The following APPBP2 variants were observed in gnomAD, a reference collection of about 807,000 sequenced individuals.
The protein encoded by APPBP2 is amyloid beta precursor protein binding protein 2, also known as amyloid protein-binding protein 2.
In APPBP2, 15 loss-of-function variants were observed where a neutral mutation model predicts 76.0. The ratio of observed to expected loss-of-function variants is 0.20; its 90% CI spans 0.13 to 0.30. The LOEUF (loss-of-function observed/expected upper bound fraction) is 0.30. APPBP2 is among the 10% of genes least tolerant of loss of function. The pLI is 1.00. For missense variants in APPBP2, 401 were observed against 687.2 expected, an observed-to-expected ratio of 0.58 and a Z score of 4.66; for synonymous variants, 222 against 242.2, an observed-to-expected ratio of 0.92 and a Z score of 0.77.
intron 1 of APPBP2, among the ~76,000 whole-genome samples, chr17:60,525,173 A>G (rs2091041960): frequency 6.6e-6 from 1 of 152,226 alleles, no homozygotes; most frequent in South Asian, 2.1e-4. Context: ...CAGCACTCCC[A>G]TTTTCACAAA....
rs10713718 is a variant in APPBP2, at chr17:60,457,128, C to CA, written c.1062-748dup. On this transcript the variant is annotated intron_variant, in intron 9 of 12. Coordinates refer to ENST00000083182, the MANE Select transcript of APPBP2 (RefSeq NM_006380.5). ...CCAGCATGAGTGACAAAGACTGTCT[C>CA]AAAAAAAAAAAAAAAAATTACCATC... Among the ~76,000 whole-genome samples, 373 of 123,956 alleles carry CA rather than the reference C, an allele frequency of 3.0e-3. 1 individual carries two copies. The highest frequency in any genetic ancestry group is 5.8e-3 in the East Asian group (24 of 4,170). 81.3% of individuals were successfully genotyped at this position (123,956 alleles called of 152,430 possible).
chr17:60,516,198 A>C (rs1334966410), intron 1 of APPBP2, among the ~76,000 whole-genome samples: 2 of 152,046 alleles, frequency 1.3e-5, no homozygotes, highest in African/African-American at 4.8e-5. Flanking sequence ...AACAAAAAAA[A>C]CCAGATGAGA....
chr17:60,507,564 A>C (rs8071606), intron 1 of APPBP2, among the ~76,000 whole-genome samples: 12,504 of 152,162 alleles, frequency 0.082, 1,702 homozygotes, highest in African/African-American at 0.28. Context: ...TTGGTACTTA[A>C]TTACTTTGGA....
intron 4 of APPBP2, among the ~76,000 whole-genome samples, chr17:60,470,486 A>C (rs1168788804): frequency 6.6e-6 from 1 of 152,198 alleles, no homozygotes; most frequent in Non-Finnish European, 1.5e-5. Context: ...GGCTGGTCTC[A>C]AACTCTTGAG....
chr17:60,518,878 C>T (rs1234912649), intron 1 of APPBP2, among the ~76,000 whole-genome samples: 1 of 152,060 alleles, frequency 6.6e-6, no homozygotes, highest in Non-Finnish European at 1.5e-5. Flanking sequence ...TTAGAAATGC[C>T]TTCTTCATGC....
chr17:60,463,821 G>GA (rs1255728386), intron 6 of APPBP2, among the ~76,000 whole-genome samples, 200 bp downstream of exon 6: 2 of 152,096 alleles, frequency 1.3e-5, no homozygotes, highest in Non-Finnish European at 2.9e-5. Flanking sequence ...TCTTGGTAAA[G>GA]AAAAATTGGC....
chr17:60,453,182 C>G (rs773627690), intron 11 of APPBP2, among the ~76,000 whole-genome samples: 22 of 151,958 alleles, frequency 1.4e-4, no homozygotes, highest in Non-Finnish European at 2.5e-4. Context: ...ATCTCAAGTA[C>G]TACTTTCATA....
At chr17:60,466,981 T>C (rs1172250091) in intron 4 of APPBP2, among the ~76,000 whole-genome samples, 2 of 152,190 alleles carry the variant, frequency 1.3e-5, no homozygotes, top group East Asian at 3.8e-4. Flanking sequence ...TTATCCTCTA[T>C]AGTAGAAATA....
chr17:60,491,836 G>A (rs2090731952), intron 3 of APPBP2, among the ~76,000 whole-genome samples: 1 of 152,202 alleles, frequency 6.6e-6, no homozygotes, highest in African/African-American at 2.4e-5. Flanking sequence ...CATTTTGTGA[G>A]AAGAACTGCA....
chr17:60,494,602 A>G lies in APPBP2; in HGVS notation c.243T>C (p.His81=). The change falls in exon 3 of 13, where the codon CAT becomes CAC. Residue 81 remains histidine, a synonymous_variant. Coordinates refer to ENST00000083182, the MANE Select transcript of APPBP2 (RefSeq NM_006380.5). ...CATGATCCATCAAAGCCTGAAAACA[A>G]TGATGAAGCAAATGTCTGTAAGAAA... ...RALDKRHLLH[H]CFQALMDHGV... The G allele has an allele frequency of 6.3e-7, 1 of 1,587,118 alleles. No homozygotes were observed. Among genetic ancestry groups the G allele is most frequent in the Non-Finnish European group, 8.5e-7 (1 of 1,174,032 alleles).
In APPBP2 at chr17:60,493,644, C is replaced by CT. The variant is rs551786086; in HGVS notation, c.379+821dup. 7.3e-3 allele frequency among the ~76,000 whole-genome samples: 937 copies of CT among 128,530 alleles called. 4 individuals are homozygous for CT. Among genetic ancestry groups the CT allele is most frequent in the African/African-American group, 0.011 (363 of 33,152 alleles). 84.3% of individuals were successfully genotyped at this position (128,530 alleles called of 152,430 possible). ...CCGCCATGCCCAGCCTTTTTTTTTTCTTTTTTTTTTTTTCTGAGACAGAGT... is the reference window on the plus strand; with the variant it reads ...CCGCCATGCCCAGCCTTTTTTTTTTCTTTTTTTTTTTTTTCTGAGACAGAGT... On this transcript the variant is annotated intron_variant, in intron 3 of 12. Transcript: ENST00000083182.
rs183826090 is a variant in APPBP2, at chr17:60,450,970, C to T, written c.1504+910G>A. On this transcript the variant is annotated intron_variant, in intron 12 of 12. Transcript: ENST00000083182. ...CAAGACAAATCAATATAAAAATGGG[C>T]AAGAGTTTTAACAGGCACTTCATAA... 3.9e-4 allele frequency among the ~76,000 whole-genome samples: 60 copies of T among 152,070 alleles called. No homozygotes were observed. The East Asian group carries it at 7.9e-3, about 20-fold the overall frequency.
At chr17:60,507,560 C>T (rs1193440381) in intron 1 of APPBP2, among the ~76,000 whole-genome samples, 1 of 152,004 alleles carries the variant, frequency 6.6e-6, no homozygotes, top group Non-Finnish European at 1.5e-5. Context: ...CAAATTGGTA[C>T]TTAATTACTT....
chr17:60,494,984 G>GTTTTTTTTT (rs60043373), intron 2 of APPBP2, among the ~76,000 whole-genome samples: 1 of 107,080 alleles, frequency 9.3e-6, no homozygotes, highest in Non-Finnish European at 1.8e-5. Context: ...GTTTTGTTTT[G>GTTTTTTTTT]TTTTTTTTTT....
At chr17:60,487,373 T>C (rs1245485045) in intron 3 of APPBP2, among the ~76,000 whole-genome samples, 1 of 149,026 alleles carries the variant, frequency 6.7e-6, no homozygotes, top group Admixed American at 6.6e-5. Flanking sequence ...CCTGTATTTC[T>C]TGGAGGCTTT....
intron 1 of APPBP2, among the ~76,000 whole-genome samples, chr17:60,504,071 G>A (rs1375149959): frequency 6.6e-6 from 1 of 152,118 alleles, no homozygotes; most frequent in Non-Finnish European, 1.5e-5. Flanking sequence ...TTATGAAACA[G>A]AGCTTAGAAG....
chr17:60,450,778 AAAAAAAGAAAG>A (rs1044298456), intron 12 of APPBP2, among the ~76,000 whole-genome samples: 1 of 148,970 alleles, frequency 6.7e-6, no homozygotes, highest in African/African-American at 2.6e-5. Context: ...TCTCAAAAAA[AAAAAAAGAAAG>A]AAAAAAGAAA....
At chr17:60,447,905 G>C (rs924457840) in intron 12 of APPBP2, 71 bp from the exon 13 acceptor site, 25 of 1,389,690 alleles carry the variant, frequency 1.8e-5, no homozygotes, top group African/African-American at 4.4e-5. Flanking sequence ...TCTATAACAT[G>C]AACACAAGTT....
At chr17:60,508,119 C>G (rs1012728900) in intron 1 of APPBP2, among the ~76,000 whole-genome samples, 5 of 151,976 alleles carry the variant, frequency 3.3e-5, no homozygotes, top group African/African-American at 1.2e-4. Context: ...ACTACAGGTG[C>G]GAGCCACCAA....
Sources: gnomAD v4.1 joint callset for allele counts (sites outside exome capture counted in the v4.1 genomes callset) on GRCh38, gnomAD v4.1.1 for gene constraint, MANE v1.5 for transcripts, NCBI Gene and HGNC (gene_info 2026-07-23, HGNC 2026-07-21) for gene names.